PRUNE2: variants seen among roughly 807,000 people sequenced by gnomAD.
The protein encoded by PRUNE2 is prune homolog 2 with BCH domain.
In PRUNE2, 164 loss-of-function variants were observed where a neutral mutation model predicts 252.0. The observed-to-expected ratio is 0.65, with a 90% confidence interval of 0.57 to 0.74. The LOEUF (loss-of-function observed/expected upper bound fraction) is 0.74, where lower values mean the gene tolerates loss of function less well. PRUNE2 is among the 30% of genes least tolerant of loss of function. The pLI, the probability that PRUNE2 is intolerant of heterozygous loss-of-function variation, is 0.00. For missense variants in PRUNE2, 3,495 were observed against 3,711.0 expected (o/e 0.94, Z 1.51); for synonymous variants, 1,292 against 1,350.2 (o/e 0.96, Z 0.94).
Position 76,611,813 on chromosome 9 carries a change from G to C in PRUNE2, c.*2757C>G, listed in dbSNP as rs1827528763. 6.6e-6 allele frequency: 1 copy of C among 152,572 alleles called. No homozygotes were observed. The highest frequency in any genetic ancestry group is 2.4e-5 in the African/African-American group (1 of 41,434). The allele number at this position is 152,572 out of a possible 1,614,324, so 9.5% of individuals were successfully genotyped here. A position where few individuals can be genotyped will look rare whatever the true frequency, so the allele number is the denominator to read the frequency against. ...CCTCAAACAAACTTTCTCACTCCTT[G>C]ACACTATCTTCTGTGCAAATTTCTG... On this transcript the variant is annotated 3_prime_UTR_variant, in exon 19 of 19. Coordinates refer to ENST00000376718, the MANE Select transcript of PRUNE2 (RefSeq NM_015225.3).
At chr9:76,801,284 A>T (rs1260214428) in intron 6 of PRUNE2, among the ~76,000 whole-genome samples, 1 of 152,214 alleles carries the variant, frequency 6.6e-6, no homozygotes, top group African/African-American at 2.4e-5. Context: ...CCTCAAGTGA[A>T]ACTGATTAGC....
At chr9:76,615,946 TTTTTAGCGAGACGGGG>T (rs1239825933) in intron 18 of PRUNE2, among the ~76,000 whole-genome samples, 1 of 151,958 alleles carries the variant, frequency 6.6e-6, no homozygotes, top group Non-Finnish European at 1.5e-5. Context: ...ATTTTTTGTG[TTTTTAGCGAGACGGGG>T]TTTCACCCTG....
intron 6 of PRUNE2, chr9:76,736,553 G>A (rs2049091108): frequency 6.6e-6 from 1 of 152,220 alleles, no homozygotes; most frequent in Non-Finnish European, 1.5e-5. Flanking sequence ...GCTGTCTGAT[G>A]AGCACCTGCC....
chr9:76,880,271 T>C (rs1444446497), intron 1 of PRUNE2, among the ~76,000 whole-genome samples: 1 of 152,190 alleles, frequency 6.6e-6, no homozygotes, highest in Admixed American at 6.5e-5. Flanking sequence ...TCACAATTCC[T>C]GTACTTCACT....
intron 9 of PRUNE2, among the ~76,000 whole-genome samples, chr9:76,689,622 G>C (rs753037735): frequency 5.3e-5 from 8 of 151,994 alleles, no homozygotes; most frequent in Non-Finnish European, 1.2e-4. Context: ...GCCTCCCAAA[G>C]TGCTGGGATT....
intron 5 of PRUNE2, among the ~76,000 whole-genome samples, chr9:76,824,623 T>C (rs980955537): frequency 1.3e-5 from 2 of 152,210 alleles, no homozygotes; most frequent in African/African-American, 4.8e-5. Context: ...GCAAAGGATC[T>C]GGCTCGACAT....
intron 1 of PRUNE2, among the ~76,000 whole-genome samples, chr9:76,864,390 C>T (rs1222389288): frequency 6.6e-6 from 1 of 152,142 alleles, no homozygotes; most frequent in Non-Finnish European, 1.5e-5. Context: ...TCCTAAACCT[C>T]AGCAGCACCT....
Position 76,637,409 on chromosome 9 carries a change from C to T in PRUNE2, c.8963+9G>A. The T allele has an allele frequency of 1.9e-6, 3 of 1,613,048 alleles. No homozygotes were observed. Among genetic ancestry groups the T allele is most frequent in the East Asian group, 2.2e-5 (1 of 44,832 alleles). On this transcript the variant is annotated intron_variant, in intron 14 of 18. Transcript: ENST00000376718. ...TCAAAATAGTGATTAAATAATAGAG[C>T]CCACATACCGTCTGTCAATCATCTG...
chr9:76,776,893 TACACACACACACACAC>T (rs541232508), intron 6 of PRUNE2, among the ~76,000 whole-genome samples: 42 of 115,664 alleles, frequency 3.6e-4, no homozygotes, highest in South Asian at 1.2e-3. Context: ...CCAAAACACA[TACACACACACACACAC>T]ACACACACAC....
At chr9:76,818,349 A>G (rs2131861369) in intron 6 of PRUNE2, among the ~76,000 whole-genome samples, 1 of 152,324 alleles carries the variant, frequency 6.6e-6, no homozygotes, top group African/African-American at 2.4e-5. Context: ...AGGCCTGAGT[A>G]AACGTTCCCT....
In PRUNE2 at chr9:76,707,506, C is replaced by G; in HGVS notation, c.4768G>C (p.Asp1590His). 1.2e-6 allele frequency: 2 copies of G among 1,613,926 alleles called. No homozygotes were observed. The highest frequency in any genetic ancestry group is 1.7e-6 in the Non-Finnish European group (2 of 1,179,860). Residue 1590 changes from aspartate (D) to histidine (H), a missense_variant, in exon 8 of 19, where the codon GAT (aspartate) becomes CAT (histidine). By Grantham distance (81) the Asp-to-His change is moderately conservative. Coordinates refer to ENST00000376718, the MANE Select transcript of PRUNE2 (RefSeq NM_015225.3). ...TTGGTAACTATTTCTACTTGGCCAT[C>G]AGTGGTAATTAGTTCAGATTCTTGG... ...NHQESELITT[D>H]GQVEIVTKVK...
chr9:76,772,742 T>G (rs1287135984), intron 6 of PRUNE2, among the ~76,000 whole-genome samples: 2 of 152,104 alleles, frequency 1.3e-5, no homozygotes, highest in Non-Finnish European at 2.9e-5. Flanking sequence ...TGTTTAATTT[T>G]TTGTAGAGAC....
At chr9:76,740,067 A>G (rs942356414) in intron 6 of PRUNE2, 2 of 151,838 alleles carry the variant, frequency 1.3e-5, no homozygotes, top group African/African-American at 4.8e-5. Flanking sequence ...CTGTTTCAAA[A>G]AAAAAAACAA....
chr9:76,678,249 G>A (rs34454925), intron 9 of PRUNE2, among the ~76,000 whole-genome samples: 10,896 of 150,536 alleles, frequency 0.072, 527 homozygotes, highest in South Asian at 0.12. Flanking sequence ...CTACTCAGGA[G>A]GCTGAGACAG....
At chr9:76,887,626 C>T (rs910591124) in intron 1 of PRUNE2, among the ~76,000 whole-genome samples, 2 of 152,192 alleles carry the variant, frequency 1.3e-5, no homozygotes, top group Admixed American at 1.3e-4. Context: ...GTGGAAGTGG[C>T]TCATTCCATT....
chr9:76,796,215 AAAGG>A (rs779852876), intron 6 of PRUNE2, among the ~76,000 whole-genome samples: 10 of 152,336 alleles, frequency 6.6e-5, no homozygotes, highest in Non-Finnish European at 1.2e-4. Context: ...TGCTAGCTCC[AAAGG>A]AATTTTTTAA....
intron 9 of PRUNE2, among the ~76,000 whole-genome samples, chr9:76,658,219 G>A (rs1228254844): frequency 3.3e-5 from 5 of 152,200 alleles, no homozygotes; most frequent in African/African-American, 1.2e-4. Context: ...TTAGCTGGGT[G>A]TGGTGGCGCA....
rs1564272734 is a variant in PRUNE2 at position 76,774,461 on chromosome 9, T to TA, written c.756+49170_756+49171insT. Among the ~76,000 whole-genome samples the TA allele has an allele frequency of 2.1e-3, 159 of 74,824 alleles. 5 individuals carry two copies. Among genetic ancestry groups the TA allele is most frequent in the Admixed American group, 0.015 (125 of 8,066 alleles). 49.1% of individuals were successfully genotyped at this position (74,824 alleles called of 152,430 possible). On this transcript the variant is annotated intron_variant, in intron 6 of 18. Coordinates refer to ENST00000376718, the MANE Select transcript of PRUNE2 (RefSeq NM_015225.3). ...CCTCCAGTTCAACCCTTTTTTTTTT[T>TA]TTTTTTTTTTTTTTTTGAGATGGAG...
intron 3 of PRUNE2, among the ~76,000 whole-genome samples, chr9:76,849,752 G>A (rs1447719786): frequency 6.6e-6 from 1 of 152,070 alleles, no homozygotes; most frequent in Non-Finnish European, 1.5e-5. Context: ...CTTGAACCTG[G>A]GAGGTGGAGG....
Sources: allele counts gnomAD v4.1 joint callset (sites outside exome capture counted in the v4.1 genomes callset), GRCh38; gene constraint gnomAD v4.1.1; transcripts MANE v1.5; gene names NCBI Gene and HGNC (gene_info 2026-07-23, HGNC 2026-07-21).